THRB: variants seen among roughly 807,000 people sequenced by gnomAD.
THRB encodes the protein nuclear receptor subfamily 1 group A member 2.
Under a neutral mutation model 47.8 loss-of-function variants are expected in THRB, and 12 were observed. The ratio of observed to expected loss-of-function variants is 0.25; its 90% CI spans 0.16 to 0.41. The LOEUF (loss-of-function observed/expected upper bound fraction) is 0.41, where lower values mean the gene tolerates loss of function less well. Ranked by LOEUF, THRB falls within the 10% of genes least tolerant of loss-of-function variation. The pLI is 1.00. For synonymous variants in THRB, 218 were observed against 212.2 expected (o/e 1.03, Z -0.24); for missense variants, 348 against 589.2 (o/e 0.59, Z 4.24).
intron 1 of THRB, among the ~76,000 whole-genome samples, chr3:24,451,358 C>A (rs763978066): frequency 6.6e-6 from 1 of 151,728 alleles, no homozygotes; most frequent in Non-Finnish European, 1.5e-5. Flanking sequence ...CTCAGCCTCC[C>A]GAGTAGCTGG....
chr3:24,287,931 C>G (rs1468823901), intron 3 of THRB, among the ~76,000 whole-genome samples: 6 of 152,244 alleles, frequency 3.9e-5, no homozygotes, highest in Non-Finnish European at 7.3e-5. Context: ...ATAGTGAACA[C>G]TGCCAAGCAC....
intron 1 of THRB, among the ~76,000 whole-genome samples, chr3:24,423,234 G>C (rs933522080): frequency 6.6e-6 from 1 of 151,864 alleles, no homozygotes; most frequent in Non-Finnish European, 1.5e-5. Context: ...CCATAGAATT[G>C]TAAGAAGTAA....
At chr3:24,163,684 C>T (rs1469335749) in intron 5 of THRB, among the ~76,000 whole-genome samples, 2 of 151,956 alleles carry the variant, frequency 1.3e-5, no homozygotes, top group South Asian at 2.1e-4. Flanking sequence ...CCTGTGTATC[C>T]CTTGTAATAA....
intron 1 of THRB, among the ~76,000 whole-genome samples, chr3:24,387,892 C>A (rs1290019345): frequency 6.6e-6 from 1 of 151,760 alleles, no homozygotes; most frequent in South Asian, 2.1e-4. Context: ...AGGATGGGAC[C>A]AGGAGAAACA....
In THRB at chr3:24,344,072, C is replaced by CAGATTT. The variant is rs538853502; in HGVS notation, c.-260-6707_-260-6702dup. ...TAATGTTAATTCAAAGCAATTGACACAGATTTTAACTAAGCTGAATTAGGA... is the reference window on the plus strand; with the variant it reads ...TAATGTTAATTCAAAGCAATTGACACAGATTTAGATTTTAACTAAGCTGAATTAGGA... On this transcript the variant is annotated intron_variant, in intron 1 of 10. Transcript: ENST00000646209. 1.1e-3 allele frequency among the ~76,000 whole-genome samples: 164 copies of CAGATTT among 151,404 alleles called. 3 individuals are homozygous for CAGATTT. Among genetic ancestry groups the CAGATTT allele is most frequent in the Non-Finnish European group, 5.3e-4 (36 of 67,838 alleles).
At chr3:24,443,885 T>A (rs1015247338) in intron 1 of THRB, among the ~76,000 whole-genome samples, 2 of 152,170 alleles carry the variant, frequency 1.3e-5, no homozygotes, top group African/African-American at 4.8e-5. Context: ...GTTACACAAT[T>A]CTAAGAGGAG....
intron 6 of THRB, among the ~76,000 whole-genome samples, chr3:24,151,390 G>T (rs1180654667): frequency 6.6e-6 from 1 of 152,120 alleles, no homozygotes; most frequent in Non-Finnish European, 1.5e-5. Context: ...AGCGGAAGAA[G>T]AGAAAAAGAG....
chr3:24,480,216 T>A (rs937039847), intron 1 of THRB, among the ~76,000 whole-genome samples: 1 of 152,204 alleles, frequency 6.6e-6, no homozygotes, highest in Non-Finnish European at 1.5e-5. Context: ...CCCAAACTGA[T>A]GGTCAGTCTT....
At chr3:24,215,619 G>A in intron 4 of THRB, among the ~76,000 whole-genome samples, 1 of 152,130 alleles carries the variant, frequency 6.6e-6, no homozygotes, top group East Asian at 1.9e-4. Context: ...ACGTTATTAG[G>A]CATTTGTATA....
intron 1 of THRB, among the ~76,000 whole-genome samples, chr3:24,368,212 G>GA (rs908257752): frequency 9.6e-4 from 145 of 151,584 alleles, no homozygotes; most frequent in African/African-American, 2.9e-3. Context: ...TCTTTATTTT[G>GA]AAAAAAAATA....
At chr3:24,166,716 G>A (rs1331974335) in intron 5 of THRB, among the ~76,000 whole-genome samples, 6 of 152,058 alleles carry the variant, frequency 3.9e-5, no homozygotes, top group Admixed American at 6.6e-5. Flanking sequence ...TTCAGGGCTC[G>A]GCCTCAGGTG....
chr3:24,279,410 G>A (rs984762865), intron 3 of THRB, among the ~76,000 whole-genome samples: 1 of 151,954 alleles, frequency 6.6e-6, no homozygotes, highest in African/African-American at 2.4e-5. Context: ...TTGAGACGGA[G>A]CCTCATTCTG....
chr3:24,491,995 AAGAG>A (rs199581277), intron 1 of THRB, among the ~76,000 whole-genome samples: 7 of 152,294 alleles, frequency 4.6e-5, no homozygotes, highest in South Asian at 2.1e-4. Context: ...TTCGAAAAGA[AAGAG>A]AGAGAGAGAA....
intron 4 of THRB, among the ~76,000 whole-genome samples, chr3:24,223,626 G>T (rs1287315075): frequency 6.6e-6 from 1 of 152,206 alleles, no homozygotes; most frequent in South Asian, 2.1e-4. Flanking sequence ...GTAAAGGATG[G>T]CTTGAAATTC....
intron 2 of THRB, among the ~76,000 whole-genome samples, chr3:24,318,120 T>C (rs1559914350): frequency 6.6e-6 from 1 of 152,216 alleles, no homozygotes; most frequent in East Asian, 1.9e-4. Flanking sequence ...AAAAAGTGAG[T>C]AGAAGCGAAA....
chr3:24,469,669 T>C (rs1312932834), intron 1 of THRB, among the ~76,000 whole-genome samples: 1 of 152,222 alleles, frequency 6.6e-6, no homozygotes, highest in Non-Finnish European at 1.5e-5. Flanking sequence ...CAATGAGGTG[T>C]AAGAAAACCA....
chr3:24,117,437 G>A lies in THRB; in HGVS notation c.*5447C>T, dbSNP rs182259285. On this transcript the variant is annotated 3_prime_UTR_variant, in exon 11 of 11. Coordinates refer to ENST00000646209, the MANE Select transcript of THRB (RefSeq NM_001354712.2). ...CCCCTCACCCAGTTCCAGGATTCCT[G>A]AGGATAAGGTTGGTTATGCATCTGT... 6.6e-6 allele frequency: 1 copy of A among 152,256 alleles called. No individual in the cohort carries two copies. Among genetic ancestry groups the A allele is most frequent in the Non-Finnish European group, 1.5e-5 (1 of 68,064 alleles). 9.4% of individuals were successfully genotyped at this position (152,256 alleles called of 1,614,324 possible).
At chr3:24,177,087 G>A (rs2041258028) in intron 5 of THRB, among the ~76,000 whole-genome samples, 1 of 152,100 alleles carries the variant, frequency 6.6e-6, no homozygotes, top group Non-Finnish European at 1.5e-5. Context: ...ATCTAATGGA[G>A]ATACACTATA....
chr3:24,299,801 T>TTTTTTTG, intron 2 of THRB, among the ~76,000 whole-genome samples: 1 of 133,926 alleles, frequency 7.5e-6, no homozygotes. Flanking sequence ...TTTTTTTTTT[T>TTTTTTTG]TAGCAAACAT....
Sources: gnomAD v4.1 joint callset for allele counts (sites outside exome capture counted in the v4.1 genomes callset) on GRCh38, gnomAD v4.1.1 for gene constraint, MANE v1.5 for transcripts, NCBI Gene and HGNC (gene_info 2026-07-23, HGNC 2026-07-21) for gene names.